The following NFASC variants were observed in gnomAD, a reference collection of about 807,000 sequenced individuals.
NFASC encodes the protein neurofascin.
A neutral mutation model predicts 147.5 loss-of-function variants in NFASC; 43 were observed. The ratio of observed to expected loss-of-function variants is 0.29; its 90% confidence interval spans 0.23 to 0.38. The LOEUF is 0.38. Among genes scored for constraint, NFASC ranks in the 10% least tolerant of loss-of-function variants. NFASC has a pLI of 1.00. For missense variants in NFASC, 1,320 were observed against 1,689.0 expected, an observed-to-expected ratio of 0.78 and a Z score of 3.83; for synonymous variants, 622 against 665.5, an observed-to-expected ratio of 0.93 and a Z score of 1.01.
chr1:204,838,753 A>G (rs1246080075), intron 1 of NFASC, among the ~76,000 whole-genome samples: 1 of 152,186 alleles, frequency 6.6e-6, no homozygotes, highest in Non-Finnish European at 1.5e-5. Flanking sequence ...AACTCTATGT[A>G]TCTTTACAGT....
intron 8 of NFASC, among the ~76,000 whole-genome samples, chr1:204,958,145 T>C (rs1351481276): frequency 1.3e-5 from 2 of 152,202 alleles, no homozygotes; most frequent in Non-Finnish European, 2.9e-5. Context: ...TTGTTCTTTA[T>C]GAGCCCTCCA....
Position 205,002,746 on chromosome 1 carries a change from C to G in NFASC, c.3287C>G (p.Thr1096Arg). ...ACCGTCATCACCTTTATGACCAGTA[C>G]AGGTGAGAGGGGACCTGGCCTGGCC... is the stretch of plus-strand genomic sequence containing the variant. ...SSTVITFMTSTAYTNNQADIA... is the reference protein window; with the variant it reads ...SSTVITFMTSRAYTNNQADIA... The change falls in exon 27 of 30, where the codon ACA becomes AGA. Residue 1096 changes from threonine to arginine, a missense_variant and splice_region_variant. Physicochemically the swap from Thr to Arg is moderately conservative, Grantham distance 71 (BLOSUM62 -1). Around this residue, in one of 3 missense-constraint regions of NFASC, gnomAD observed 167 missense variants for 233.8 expected, o/e 0.71. Coordinates refer to ENST00000339876, the MANE Select transcript of NFASC (RefSeq NM_001005388.3). 1 of 1,497,242 alleles carries G rather than the reference C, an allele frequency of 6.7e-7. No homozygotes were observed. Among genetic ancestry groups the G allele is most frequent in the East Asian group, 2.4e-5 (1 of 41,318 alleles). The allele number at this position is 1,497,242 out of a possible 1,614,324, so 92.7% of individuals were successfully genotyped here. A position where few individuals can be genotyped will look rare whatever the true frequency, so the allele number is the denominator to read the frequency against.
At chr1:204,967,613 C>G (rs2095035124) in intron 8 of NFASC, among the ~76,000 whole-genome samples, 1 of 152,020 alleles carries the variant, frequency 6.6e-6, no homozygotes, top group Non-Finnish European at 1.5e-5. Context: ...TCCTCCCCAG[C>G]TGTCTTCCCG....
intron 2 of NFASC, among the ~76,000 whole-genome samples, chr1:204,929,797 C>T (rs1160010270): frequency 6.6e-6 from 1 of 152,208 alleles, no homozygotes; most frequent in East Asian, 1.9e-4. Flanking sequence ...CCCTCTTTCT[C>T]CACTTGCTTG....
At chr1:204,906,945 A>G (rs999825604) in intron 1 of NFASC, among the ~76,000 whole-genome samples, 40 of 152,206 alleles carry the variant, frequency 2.6e-4, no homozygotes, top group Non-Finnish European at 5.3e-4. Context: ...GGCCTCCCAA[A>G]GTGCTGGGAT....
intron 1 of NFASC, among the ~76,000 whole-genome samples, chr1:204,873,129 G>A (rs986498981): frequency 2.1e-5 from 3 of 142,580 alleles, no homozygotes; most frequent in East Asian, 2.2e-4. Flanking sequence ...ACAGTGAGGG[G>A]GGCTATGTGA....
Position 205,020,640 on chromosome 1 carries a change from G to A in NFASC, c.*4101G>A, listed in dbSNP as rs534390281. ...TTTCTGGCGCCCTGTGCTGGAGCAG[G>A]GCCAAGTCTTAGGGCATCACAAACA... On this transcript the variant is annotated 3_prime_UTR_variant, in exon 30 of 30. Transcript: ENST00000339876. The A allele has an allele frequency of 6.6e-6, 1 of 152,276 alleles. No homozygotes were observed. The highest frequency in any genetic ancestry group is 2.4e-5 in the African/African-American group (1 of 41,464). 9.4% of individuals were successfully genotyped at this position (152,276 alleles called of 1,614,324 possible).
intron 1 of NFASC, among the ~76,000 whole-genome samples, chr1:204,886,522 CA>C (rs1418271627): frequency 2.0e-5 from 3 of 152,138 alleles, no homozygotes; most frequent in African/African-American, 7.2e-5. Flanking sequence ...TCAGCTTGTT[CA>C]AACCTAGACT....
At chr1:204,960,130 G>A (rs1366320401) in intron 8 of NFASC, among the ~76,000 whole-genome samples, 1 of 152,206 alleles carries the variant, frequency 6.6e-6, no homozygotes, top group African/African-American at 2.4e-5. Flanking sequence ...TCAGAACCAG[G>A]TCTGGGGTGG....
chr1:204,959,331 C>T (rs4950974), intron 8 of NFASC, among the ~76,000 whole-genome samples: 74,341 of 151,966 alleles, frequency 0.49, 19,223 homozygotes, highest in Non-Finnish European at 0.58. Flanking sequence ...GACCTGGCTT[C>T]ACTCCAGTTG....
rs1573664314 is a variant in NFASC at position 204,954,368 on chromosome 1, C to T, written c.396C>T (p.Ile132=). 6.2e-7 allele frequency: 1 copy of T among 1,614,036 alleles called. No individual in the cohort carries two copies. The highest frequency in any genetic ancestry group is 2.2e-5 in the East Asian group (1 of 44,876). The change falls in exon 6 of 30, where the codon ATC becomes ATT. Residue 132 remains isoleucine (I), a synonymous_variant. Transcript: ENST00000339876. The surrounding 1 kb of genome is among the most constrained non-coding windows in gnomAD (Gnocchi z 5.7). ...TTGGCACGGCCCTGTCCAATAGGAT[C>T]CGCCTGCAGGTGTCTAGTGAGTAGC... ...NKFGTALSNR[I]RLQVSKSPLW...
intron 24 of NFASC, among the ~76,000 whole-genome samples, chr1:204,995,578 A>C (rs1204566406): frequency 6.6e-6 from 1 of 151,994 alleles, no homozygotes; most frequent in East Asian, 1.9e-4. Flanking sequence ...CCTGCCCAGG[A>C]ACCTCTGGAA....
At chr1:204,901,519 C>T (rs1256291579) in intron 1 of NFASC, among the ~76,000 whole-genome samples, 4 of 152,010 alleles carry the variant, frequency 2.6e-5, no homozygotes, top group East Asian at 1.9e-4. Flanking sequence ...GGACTCAGCA[C>T]GTTGAGGTCA....
At chr1:204,902,339 G>T (rs898248175) in intron 1 of NFASC, among the ~76,000 whole-genome samples, 3 of 152,176 alleles carry the variant, frequency 2.0e-5, no homozygotes, top group Non-Finnish European at 2.9e-5. Context: ...TAGAATAAAA[G>T]AGGCCTATTA....
chr1:204,934,321 AG>A (rs1324391525), intron 2 of NFASC, among the ~76,000 whole-genome samples: 2 of 152,106 alleles, frequency 1.3e-5, no homozygotes, highest in African/African-American at 2.4e-5. Flanking sequence ...TTTTATATAC[AG>A]AAAGTGGCAG....
rs2095633477 is a variant in NFASC, at chr1:204,987,219, G to C, written c.2471-199G>C. 1.5e-5 allele frequency: 9 copies of C among 591,732 alleles called. No homozygotes were observed. In the East Asian group the frequency reaches 2.5e-4, roughly 17 times the overall value. The allele number at this position is 591,732 out of a possible 1,614,324, so 36.7% of individuals were successfully genotyped here. ...AGAGTCTGAGCTATGTTTGTCCTCAGACCTGAAGGAAATAGCATCCTGGAT... is the reference window on the plus strand; with the variant it reads ...AGAGTCTGAGCTATGTTTGTCCTCACACCTGAAGGAAATAGCATCCTGGAT... On this transcript the variant is annotated intron_variant, in intron 21 of 29. Coordinates refer to ENST00000339876, the MANE Select transcript of NFASC (RefSeq NM_001005388.3). The surrounding 1 kb of genome is among the most constrained non-coding windows in gnomAD (Gnocchi z 4.4).
intron 1 of NFASC, among the ~76,000 whole-genome samples, chr1:204,843,899 A>G (rs1004136894): frequency 6.6e-6 from 1 of 152,104 alleles, no homozygotes; most frequent in Non-Finnish European, 1.5e-5. Flanking sequence ...TTACAAAATT[A>G]GTAGATACGG....
At chr1:204,849,344 G>A (rs2075457907) in intron 1 of NFASC, among the ~76,000 whole-genome samples, 1 of 152,142 alleles carries the variant, frequency 6.6e-6, no homozygotes, top group Non-Finnish European at 1.5e-5. Context: ...TCCAGGCTGG[G>A]ATAGAAACTG....
At chr1:204,892,183 GT>G (rs2082541368) in intron 1 of NFASC, among the ~76,000 whole-genome samples, 1 of 152,226 alleles carries the variant, frequency 6.6e-6, no homozygotes, top group Non-Finnish European at 1.5e-5. Flanking sequence ...TTTGAGGACT[GT>G]TTTTGCTAGG....
Sources: allele counts gnomAD v4.1 joint callset (sites outside exome capture counted in the v4.1 genomes callset), GRCh38; gene constraint gnomAD v4.1.1; regional missense constraint gnomAD v4.1.1; non-coding constraint Gnocchi (gnomAD v3.1); transcripts MANE v1.5; gene names NCBI Gene and HGNC (gene_info 2026-07-23, HGNC 2026-07-21).